The following ARID5B variants were observed in gnomAD, a reference collection of about 807,000 sequenced individuals.
ARID5B encodes AT-rich interaction domain 5B, also known as AT-rich interactive domain-containing protein 5B.
Under a neutral mutation model 97.2 loss-of-function variants are expected in ARID5B, and 13 were observed. The ratio of observed to expected loss-of-function variants is 0.13; its 90% CI spans 0.09 to 0.21. The LOEUF is 0.21. ARID5B is among the 10% of genes least tolerant of loss of function. The pLI is 1.00. For synonymous variants in ARID5B, 556 were observed against 570.3 expected (o/e 0.97, Z 0.36); for missense variants, 1,210 against 1,465.3 (o/e 0.83, Z 2.84).
intron 4 of ARID5B, among the ~76,000 whole-genome samples, chr10:62,001,131 T>C (rs1017740470): frequency 1.3e-5 from 2 of 152,218 alleles, no homozygotes; most frequent in Non-Finnish European, 2.9e-5. Flanking sequence ...ACATTATCAC[T>C]TTCTCATCTG....
At chr10:61,934,401 C>A (rs551395524) in intron 2 of ARID5B, among the ~76,000 whole-genome samples, 1 of 152,176 alleles carries the variant, frequency 6.6e-6, no homozygotes, top group Non-Finnish European at 1.5e-5. Flanking sequence ...GGTTAACTGG[C>A]GCAAGAGGCC....
In ARID5B at chr10:61,995,973, A is replaced by G. The variant is rs1416183727; in HGVS notation, c.503-4118A>G. 3.9e-5 allele frequency among the ~76,000 whole-genome samples: 6 copies of G among 152,308 alleles called. No homozygotes were observed. The East Asian group carries it at 1.2e-3, about 29-fold the overall frequency. ...GGTTCTGTTCATAAGCAACAAAGTTATCATTTGTGTTTTGCCCCACCAAGC... is the reference window on the plus strand; with the variant it reads ...GGTTCTGTTCATAAGCAACAAAGTTGTCATTTGTGTTTTGCCCCACCAAGC... On this transcript the variant is annotated intron_variant, in intron 3 of 9. Transcript: ENST00000279873.
rs745793211 is a variant in ARID5B, at chr10:62,090,916, C to G, written c.1453C>G (p.Pro485Ala). Reference protein sequence around the residue: ...QETLISQKSIPEPLPAADMKK... With the variant: ...QETLISQKSIAEPLPAADMKK... ...GACTTTAATAAGCCAGAAAAGCATC[C>G]CTGAGCCTCTCCCAGCAGCAGACAT... Residue 485 changes from proline (P) to alanine (A), a missense_variant, in exon 10 of 10, where the codon CCT (proline) becomes GCT (alanine). Pro to Ala is a conservative substitution (Grantham distance 27). Coordinates refer to ENST00000279873, the MANE Select transcript of ARID5B (RefSeq NM_032199.3). 1.2e-6 allele frequency: 2 copies of G among 1,612,268 alleles called. No individual in the cohort carries two copies. Among genetic ancestry groups the G allele is most frequent in the Non-Finnish European group, 1.7e-6 (2 of 1,179,618 alleles).
chr10:62,093,756 T>G lies in ARID5B; in HGVS notation c.*726T>G, dbSNP rs1175057075. ...GAGGCTGACTGACTGTCCTAGTTGTTGTGTGTTTGTAATTTTTCCACATCT... is the reference window on the plus strand; with the variant it reads ...GAGGCTGACTGACTGTCCTAGTTGTGGTGTGTTTGTAATTTTTCCACATCT... On this transcript the variant is annotated 3_prime_UTR_variant, in exon 10 of 10. Transcript: ENST00000279873. 4.3e-6 allele frequency: 1 copy of G among 233,008 alleles called. No individual in the cohort carries two copies. The highest frequency in any genetic ancestry group is 8.5e-6 in the Non-Finnish European group (1 of 117,944). 14.4% of individuals were successfully genotyped at this position (233,008 alleles called of 1,614,324 possible). A position where few individuals can be genotyped will look rare whatever the true frequency, so the allele number is the denominator to read the frequency against.
chr10:62,031,283 G>T (rs1046866809), intron 4 of ARID5B, among the ~76,000 whole-genome samples: 3 of 152,184 alleles, frequency 2.0e-5, no homozygotes, highest in Non-Finnish European at 4.4e-5. Flanking sequence ...CCACTGAAAT[G>T]TCCTATTTGT....
intron 4 of ARID5B, among the ~76,000 whole-genome samples, chr10:62,004,231 A>G (rs1161880825): frequency 1.3e-5 from 2 of 152,316 alleles, no homozygotes; most frequent in East Asian, 3.9e-4. Context: ...GAGCTGTGCA[A>G]TGTCTAAACC....
At chr10:61,942,250 G>A (rs188421181) in intron 3 of ARID5B, among the ~76,000 whole-genome samples, 57 of 151,942 alleles carry the variant, frequency 3.8e-4, no homozygotes, top group African/African-American at 1.3e-3. Context: ...GATCCTCTTG[G>A]ATTCTAAAAA....
At chr10:61,914,470 A>G (rs1843863562) in intron 2 of ARID5B, among the ~76,000 whole-genome samples, 1 of 152,262 alleles carries the variant, frequency 6.6e-6, no homozygotes, top group Admixed American at 6.5e-5. Context: ...TCCTATAGTA[A>G]GAAGGAAGAA....
At chr10:61,924,160 T>C (rs1003427101) in intron 2 of ARID5B, among the ~76,000 whole-genome samples, 1 of 152,160 alleles carries the variant, frequency 6.6e-6, no homozygotes, top group Non-Finnish European at 1.5e-5. Flanking sequence ...AGAAAGCATG[T>C]CTTGAGGAAA....
intron 2 of ARID5B, among the ~76,000 whole-genome samples, chr10:61,930,592 C>A (rs1025574543): frequency 5.9e-5 from 9 of 151,934 alleles, no homozygotes; most frequent in Admixed American, 1.3e-4. Flanking sequence ...TGATGGCGGG[C>A]ACCTGTAGTC....
At chr10:61,942,651 G>A (rs780864835) in intron 3 of ARID5B, among the ~76,000 whole-genome samples, 11 of 152,140 alleles carry the variant, frequency 7.2e-5, no homozygotes, top group Admixed American at 2.0e-4. Context: ...AATTAGTCAC[G>A]TGTGGTGGCA....
At chr10:62,022,448 G>A (rs145813622) in intron 4 of ARID5B, among the ~76,000 whole-genome samples, 4 of 152,318 alleles carry the variant, frequency 2.6e-5, no homozygotes, top group African/African-American at 4.8e-5. Flanking sequence ...CACACCTTTC[G>A]CAGGAAAGAG....
chr10:62,046,001 C>T (rs142387795), intron 4 of ARID5B, among the ~76,000 whole-genome samples: 16 of 152,290 alleles, frequency 1.1e-4, no homozygotes, highest in African/African-American at 3.8e-4. Context: ...TTTCCATTCC[C>T]CTGATTCCAG....
At chr10:61,927,146 C>T (rs1269894164) in intron 2 of ARID5B, among the ~76,000 whole-genome samples, 1 of 152,160 alleles carries the variant, frequency 6.6e-6, no homozygotes, top group African/African-American at 2.4e-5. Flanking sequence ...TTGAATCCCA[C>T]TTGCCCTCCC....
At chr10:61,994,672 G>GA (rs1299362396) in intron 3 of ARID5B, among the ~76,000 whole-genome samples, 1 of 152,136 alleles carries the variant, frequency 6.6e-6, no homozygotes, top group Non-Finnish European at 1.5e-5. Context: ...GTTACTGTTT[G>GA]AAAAGCTTGG....
At chr10:61,960,776 G>A (rs758180804) in intron 3 of ARID5B, among the ~76,000 whole-genome samples, 1 of 152,310 alleles carries the variant, frequency 6.6e-6, no homozygotes, top group Non-Finnish European at 1.5e-5. Context: ...GTGCTCCGTA[G>A]GTATGTTGGA....
chr10:61,903,533 G>A (rs1386835669), intron 2 of ARID5B, among the ~76,000 whole-genome samples: 2 of 152,268 alleles, frequency 1.3e-5, no homozygotes, highest in Admixed American at 1.3e-4. Flanking sequence ...GCGCACTGCC[G>A]CCTGGCGAGG....
At chr10:61,958,589 C>T (rs117062919) in intron 3 of ARID5B, among the ~76,000 whole-genome samples, 2,317 of 152,266 alleles carry the variant, frequency 0.015, 19 homozygotes, top group Non-Finnish European at 0.023. Context: ...AGGAGACTCC[C>T]ATCCCATGTA....
rs551787081 is a variant in ARID5B at position 62,025,623 on chromosome 10, T to C, written c.734-25265T>C. On this transcript the variant is annotated intron_variant, in intron 4 of 9. Transcript: ENST00000279873. ...TGTGCTTCCTGCGATAGCTGCTAGG[T>C]GTTACAAAAGAGGTGTAATTAGAAA... 2.6e-5 allele frequency among the ~76,000 whole-genome samples: 4 copies of C among 152,280 alleles called. No homozygotes were observed. The South Asian group carries it at 8.3e-4, about 32-fold the overall frequency.
Sources: allele counts gnomAD v4.1 joint callset (sites outside exome capture counted in the v4.1 genomes callset), GRCh38; gene constraint gnomAD v4.1.1; transcripts MANE v1.5; gene names NCBI Gene and HGNC (gene_info 2026-07-23, HGNC 2026-07-21).